IPCEF1: variants seen among roughly 807,000 people sequenced by gnomAD.
The protein encoded by IPCEF1 is interaction protein for cytohesin exchange factors 1.
In IPCEF1, 31 loss-of-function variants were observed where a neutral mutation model predicts 50.9. That is an observed-to-expected ratio of 0.61 (90% CI 0.46 to 0.82). The LOEUF is 0.82. Among genes scored for constraint, IPCEF1 ranks in the 40% least tolerant of loss-of-function variants. The probability of loss-of-function intolerance (pLI) is 0.00; values close to 1 mark genes in which losing one functional copy is unlikely to be tolerated. For missense variants in IPCEF1, 458 were observed against 514.0 expected (o/e 0.89, Z 1.05); for synonymous variants, 181 against 192.0 (o/e 0.94, Z 0.47).
At chr6:154,282,082 T>C (rs1782228096) in intron 2 of IPCEF1, among the ~76,000 whole-genome samples, 1 of 152,014 alleles carries the variant, frequency 6.6e-6, no homozygotes, top group African/African-American at 2.4e-5. Flanking sequence ...GGCAGGAGAA[T>C]AGCTTGAACC....
At chr6:154,169,531 A>G (rs1799705176) in intron 10 of IPCEF1, among the ~76,000 whole-genome samples, 1 of 152,242 alleles carries the variant, frequency 6.6e-6, no homozygotes, top group African/African-American at 2.4e-5. Context: ...TACACATGCT[A>G]AAGTTTGAGA....
chr6:154,214,688 A>C (rs987631203), intron 7 of IPCEF1, among the ~76,000 whole-genome samples: 5 of 152,228 alleles, frequency 3.3e-5, no homozygotes, highest in Admixed American at 2.6e-4. Context: ...TATTTTAGAA[A>C]AAATGTACGA....
chr6:154,160,223 C>T (rs536235770), intron 11 of IPCEF1, among the ~76,000 whole-genome samples, 183 bp from the exon 12 acceptor site: 6 of 152,276 alleles, frequency 3.9e-5, no homozygotes, highest in African/African-American at 1.4e-4. Flanking sequence ...ATACGCTAGC[C>T]GCAAAGAAGT....
intron 2 of IPCEF1, among the ~76,000 whole-genome samples, chr6:154,280,975 T>A (rs757312639): frequency 1.2e-4 from 18 of 151,790 alleles, no homozygotes; most frequent in Non-Finnish European, 8.8e-5. Context: ...CAGAGCGGAA[T>A]GATTGTTTGA....
intron 10 of IPCEF1, among the ~76,000 whole-genome samples, chr6:154,192,798 G>A (rs192098870): frequency 6.6e-6 from 1 of 152,254 alleles, no homozygotes; most frequent in African/African-American, 2.4e-5. Flanking sequence ...AATTGCCAGG[G>A]AAATGCAAAT....
At chr6:154,291,440 T>A (rs1002698601) in intron 1 of IPCEF1, among the ~76,000 whole-genome samples, 6 of 152,186 alleles carry the variant, frequency 3.9e-5, no homozygotes, top group African/African-American at 1.4e-4. Flanking sequence ...TGAAAATGTT[T>A]AAAACTATAG....
At chr6:154,290,631 C>T (rs1400951565) in intron 1 of IPCEF1, among the ~76,000 whole-genome samples, 1 of 152,136 alleles carries the variant, frequency 6.6e-6, no homozygotes, top group Non-Finnish European at 1.5e-5. Context: ...ACAATAACTT[C>T]CCACTGTCTC....
intron 2 of IPCEF1, among the ~76,000 whole-genome samples, chr6:154,268,050 GCCCT>G (rs1781802846): frequency 6.6e-6 from 1 of 152,232 alleles, no homozygotes; most frequent in Non-Finnish European, 1.5e-5. Flanking sequence ...CAGTCTTCAG[GCCCT>G]CCCTGGCCTG....
chr6:154,211,737 A>G (rs1000053465), intron 9 of IPCEF1, among the ~76,000 whole-genome samples: 1 of 152,240 alleles, frequency 6.6e-6, no homozygotes, highest in Non-Finnish European at 1.5e-5. Flanking sequence ...TTCACTTTTA[A>G]TAGGTTGGTG....
chr6:154,315,162 C>T lies in IPCEF1; in HGVS notation c.-61-25406G>A, dbSNP rs543208404. On this transcript the variant is annotated intron_variant, in intron 1 of 11. Coordinates refer to ENST00000367220, the MANE Select transcript of IPCEF1 (RefSeq NM_001130700.2). ...CTTCCCAAAGTGCTGGGATTATAGG[C>T]GTGAGCCACCATGCCTAGCCCACTA... 1.1e-4 allele frequency among the ~76,000 whole-genome samples: 16 copies of T among 152,252 alleles called. No homozygotes were observed. In the South Asian group the frequency reaches 3.1e-3, roughly 30 times the overall value.
At chr6:154,209,643 C>CAA (rs34423257) in intron 9 of IPCEF1, among the ~76,000 whole-genome samples, 4 of 107,920 alleles carry the variant, frequency 3.7e-5, no homozygotes, top group East Asian at 5.5e-4. Flanking sequence ...GACTGTGTCT[C>CAA]AAAAAAAAAA....
In IPCEF1 at chr6:154,345,111, C is replaced by T. The variant is rs183700580; in HGVS notation, c.-62+11561G>A. On this transcript the variant is annotated intron_variant, in intron 1 of 11. Coordinates refer to ENST00000367220, the MANE Select transcript of IPCEF1 (RefSeq NM_001130700.2). ...TCTCAAACTCCTGACCACAGGTGAT[C>T]CACCCGCCTTGGCCTCCCAAAGTGC... Among the ~76,000 whole-genome samples the T allele has an allele frequency of 2.0e-5, 3 of 152,332 alleles. No individual in the cohort carries two copies. In the East Asian group the frequency reaches 5.8e-4, roughly 29 times the overall value.
At chr6:154,354,471 A>AACCACCTCCACCATCTCCTCCACC (rs1562300349) in intron 1 of IPCEF1, among the ~76,000 whole-genome samples, 40 of 52,186 alleles carry the variant, frequency 7.7e-4, no homozygotes, top group Admixed American at 3.8e-3. Flanking sequence ...TCTCCTCCAC[A>AACCACCTCCACCATCTCCTCCACC]ACCACCTCCA....
intron 5 of IPCEF1, 105 bp downstream of exon 5, chr6:154,246,486 C>A (rs1019270904): frequency 3.8e-6 from 5 of 1,312,870 alleles, no homozygotes; most frequent in Non-Finnish European, 5.2e-6. Context: ...TTACTCCGCT[C>A]CAATTCCCAG....
intron 1 of IPCEF1, among the ~76,000 whole-genome samples, chr6:154,335,863 A>G (rs552322636): frequency 6.6e-6 from 1 of 152,350 alleles, no homozygotes; most frequent in East Asian, 1.9e-4. Context: ...CTCAAAAGAC[A>G]TACAAATGAC....
chr6:154,200,225 A>G (rs1291168914), intron 9 of IPCEF1, among the ~76,000 whole-genome samples, 185 bp from the exon 10 acceptor site: 2 of 152,254 alleles, frequency 1.3e-5, no homozygotes, highest in African/African-American at 4.8e-5. Flanking sequence ...TTCATTCTCC[A>G]AAACTGATTT....
intron 10 of IPCEF1, among the ~76,000 whole-genome samples, chr6:154,196,033 G>C (rs1336869186): frequency 6.6e-6 from 1 of 151,846 alleles, no homozygotes; most frequent in Non-Finnish European, 1.5e-5. Flanking sequence ...CTCGTGATCC[G>C]CCTACCTCGG....
intron 5 of IPCEF1, among the ~76,000 whole-genome samples, chr6:154,238,673 C>T (rs1013895200): frequency 1.3e-5 from 2 of 152,042 alleles, no homozygotes; most frequent in African/African-American, 4.8e-5. Context: ...CCTATGAGCA[C>T]ATACTACTGT....
chr6:154,217,718 A>C (rs190047090), intron 7 of IPCEF1, among the ~76,000 whole-genome samples: 770 of 152,336 alleles, frequency 5.1e-3, no homozygotes, highest in Non-Finnish European at 8.8e-3. Context: ...TTCACTTTTT[A>C]AAATACCACA....
Sources: gnomAD v4.1 joint callset for allele counts (sites outside exome capture counted in the v4.1 genomes callset) on GRCh38, gnomAD v4.1.1 for gene constraint, MANE v1.5 for transcripts, NCBI Gene and HGNC (gene_info 2026-07-23, HGNC 2026-07-21) for gene names.